The following ASTN1 variants were observed in gnomAD, a reference collection of about 807,000 sequenced individuals.
The protein encoded by ASTN1 is astrotactin 1, also known as astrotactin-1.
ASTN1 carries 41 observed loss-of-function variants against 140.7 expected under a neutral mutation model. The ratio of observed to expected loss-of-function variants is 0.29; its 90% CI spans 0.23 to 0.38. ASTN1 has a LOEUF of 0.38. ASTN1 is among the 10% of genes least tolerant of loss of function. ASTN1 has a pLI of 1.00. For synonymous variants in ASTN1, 640 were observed against 652.2 expected, an observed-to-expected ratio of 0.98 and a Z score of 0.29; for missense variants, 1,479 against 1,678.8, an observed-to-expected ratio of 0.88 and a Z score of 2.08.
In ASTN1 at chr1:176,869,021, G is replaced by A. The variant is rs1668235442; in HGVS notation, c.3470C>T (p.Ala1157Val). ...VVDDVKAQEI[A>V]DKIYNLFNGY... ...ATTGAAGAGATTGTAGATCTTGTCT[G>A]CTATTTCTGAGGAAGGAGGAAAAGG... Residue 1157 changes from alanine to valine, a missense_variant, in exon 22 of 23, where the codon GCA (alanine) becomes GTA (valine). Physicochemically the swap from Ala to Val is moderately conservative, Grantham distance 64 (BLOSUM62 0). Around this residue, in one of 3 missense-constraint regions of ASTN1, gnomAD observed 746 missense variants for 800.9 expected, o/e 0.93. Transcript: ENST00000361833. The A allele has an allele frequency of 6.3e-7, 1 of 1,577,672 alleles. No homozygotes were observed. The highest frequency in any genetic ancestry group is 8.6e-7 in the Non-Finnish European group (1 of 1,161,762).
rs966535045 is a variant in ASTN1 at position 177,146,730 on chromosome 1, C to T, written c.283+17664G>A. On this transcript the variant is annotated intron_variant, in intron 1 of 22. Coordinates refer to ENST00000361833, the MANE Select transcript of ASTN1 (RefSeq NM_004319.3). ...CTTGAATTTTATCACTGGCAACACA[C>T]ACTGTCAGTTGTTTTCCGAGATCAC... Among the ~76,000 whole-genome samples the T allele has an allele frequency of 2.0e-5, 3 of 152,142 alleles. No individual in the cohort carries two copies. In the East Asian group the frequency reaches 5.8e-4, roughly 29 times the overall value.
At chr1:176,868,104 C>G (rs1206264247) in intron 22 of ASTN1, among the ~76,000 whole-genome samples, 1 of 152,142 alleles carries the variant, frequency 6.6e-6, no homozygotes, top group Non-Finnish European at 1.5e-5. Context: ...TACCAACATT[C>G]CATATGAAAA....
At position 176,864,360 on chromosome 1, in the gene ASTN1, C is replaced by T. The variant is rs368198179; in HGVS notation, c.3809G>A (p.Arg1270Gln). The part of the protein sequence containing the change: ...PYGLDWAELS[R>Q]DLRKTCEEQT... ...CTCCTCACACGTCTTCCTGAGGTCC[C>T]GGCTGAGCTCCGCCCAGTCAAGTCC... Residue 1270 changes from arginine (R) to glutamine (Q), a missense_variant, in exon 23 of 23, where the codon CGG (arginine) becomes CAG (glutamine). By Grantham distance (43) the Arg-to-Gln change is conservative. Coordinates refer to ENST00000361833, the MANE Select transcript of ASTN1 (RefSeq NM_004319.3). The T allele has an allele frequency of 4.8e-5, 77 of 1,614,106 alleles. No homozygotes were observed. The African/African-American group carries it at 7.2e-4, about 15-fold the overall frequency.
rs148057991 is a variant in ASTN1 at position 177,100,044 on chromosome 1, T to C, written c.284-38779A>G. Reference sequence around the variant, plus strand: ...AAGAGTTAAGTGATTGTCCCAAGGATACAAAGCTAGTAAATGGCAGATAGG... The same window carrying C: ...AAGAGTTAAGTGATTGTCCCAAGGACACAAAGCTAGTAAATGGCAGATAGG... On this transcript the variant is annotated intron_variant, in intron 1 of 22. Coordinates refer to ENST00000361833, the MANE Select transcript of ASTN1 (RefSeq NM_004319.3). 2.4e-3 allele frequency among the ~76,000 whole-genome samples: 362 copies of C among 152,284 alleles called. 1 individual carries two copies. The highest frequency in any genetic ancestry group is 6.9e-3 in the African/African-American group (288 of 41,568).
intron 2 of ASTN1, among the ~76,000 whole-genome samples, chr1:177,057,979 C>T (rs1677896298): frequency 2.0e-5 from 3 of 152,202 alleles, no homozygotes; most frequent in Admixed American, 2.0e-4. Context: ...CTAGGAACAA[C>T]ATCTTCAAAC....
chr1:177,056,725 C>A (rs1677826896), intron 2 of ASTN1, among the ~76,000 whole-genome samples: 1 of 152,034 alleles, frequency 6.6e-6, no homozygotes, highest in Non-Finnish European at 1.5e-5. Context: ...CATTTAAATT[C>A]TACTGTGCAC....
intron 8 of ASTN1, among the ~76,000 whole-genome samples, chr1:176,997,972 A>G (rs1674534827): frequency 6.6e-6 from 1 of 152,172 alleles, no homozygotes; most frequent in Admixed American, 6.5e-5. Flanking sequence ...GTAAAAGGCA[A>G]GTGTGATCAA....
chr1:177,053,819 G>A (rs1176914357), intron 2 of ASTN1, among the ~76,000 whole-genome samples: 1 of 152,160 alleles, frequency 6.6e-6, no homozygotes, highest in East Asian at 1.9e-4. Flanking sequence ...CAGCTGTGAG[G>A]TGGTGTGACT....
At chr1:177,149,605 A>ATATAGTAAATATATATACACTGTATATC (rs1682930889) in intron 1 of ASTN1, among the ~76,000 whole-genome samples, 1 of 91,362 alleles carries the variant, frequency 1.1e-5, no homozygotes, top group Non-Finnish European at 1.8e-5. Flanking sequence ...CACTGTATAT[A>ATATAGTAAATATATATACACTGTATATC]TATAGTAAAT....
chr1:176,951,569 T>C lies in ASTN1; in HGVS notation c.1888-2218A>G, dbSNP rs560538719. Among the ~76,000 whole-genome samples the C allele has an allele frequency of 3.3e-5, 5 of 152,348 alleles. No homozygotes were observed. The East Asian group carries it at 5.8e-4, about 18-fold the overall frequency. On this transcript the variant is annotated intron_variant, in intron 11 of 22. Transcript: ENST00000361833. The stretch of plus-strand genomic sequence containing the variant: ...AGCTACCTCAGTCACTAGCCAGTAG[T>C]TTCCATCTTTCCAACCACCCGCTTT...
At chr1:176,958,969 T>G (rs1235744256) in intron 9 of ASTN1, among the ~76,000 whole-genome samples, 1 of 152,046 alleles carries the variant, frequency 6.6e-6, no homozygotes, top group African/African-American at 2.4e-5. Context: ...GGAACAGAAA[T>G]GACTGAAGCC....
chr1:177,060,208 G>GA (rs763259966), intron 2 of ASTN1, among the ~76,000 whole-genome samples: 1 of 152,168 alleles, frequency 6.6e-6, no homozygotes, highest in Admixed American at 6.5e-5. Flanking sequence ...TACAATGTTA[G>GA]AAAAAACCTT....
intron 5 of ASTN1, among the ~76,000 whole-genome samples, chr1:177,026,631 G>A (rs574791911): frequency 6.6e-6 from 1 of 152,158 alleles, no homozygotes; most frequent in African/African-American, 2.4e-5. Flanking sequence ...CCACCGCAGT[G>A]TACAAGGGTT....
At chr1:176,886,085 C>T (rs1461639763) in intron 18 of ASTN1, among the ~76,000 whole-genome samples, 1 of 151,980 alleles carries the variant, frequency 6.6e-6, no homozygotes, top group Non-Finnish European at 1.5e-5. Context: ...TCTGAGAACA[C>T]AAATTCTGTG....
intron 19 of ASTN1, among the ~76,000 whole-genome samples, chr1:176,883,493 C>T (rs955851808): frequency 6.6e-6 from 1 of 152,160 alleles, no homozygotes; most frequent in Non-Finnish European, 1.5e-5. Flanking sequence ...AACGCCTGGC[C>T]TGGGCGCTCC....
At position 177,092,566 on chromosome 1, in the gene ASTN1, C is replaced by T. The variant is rs564220462; in HGVS notation, c.284-31301G>A. Among the ~76,000 whole-genome samples, 4 of 152,176 alleles carry T rather than the reference C, an allele frequency of 2.6e-5. No individual in the cohort carries two copies. In the South Asian group the frequency reaches 8.3e-4, roughly 32 times the overall value. On this transcript the variant is annotated intron_variant, in intron 1 of 22. Coordinates refer to ENST00000361833, the MANE Select transcript of ASTN1 (RefSeq NM_004319.3). ...TTGCTTTTGGTGTCATATTTAAGAT[C>T]CATTGCTTAATCCAAGATCACAGAA...
chr1:176,898,359 G>T (rs1669617417), intron 16 of ASTN1, among the ~76,000 whole-genome samples: 2 of 152,214 alleles, frequency 1.3e-5, no homozygotes, highest in Admixed American at 1.3e-4. Flanking sequence ...TGTCTGGAGA[G>T]GAGCTGGATT....
intron 8 of ASTN1, among the ~76,000 whole-genome samples, chr1:176,983,921 C>A (rs962822647): frequency 6.6e-6 from 1 of 152,186 alleles, no homozygotes; most frequent in Non-Finnish European, 1.5e-5. Flanking sequence ...CCACCAGCCT[C>A]AATCCACTCA....
intron 8 of ASTN1, among the ~76,000 whole-genome samples, chr1:176,984,890 C>T (rs1182988065): frequency 6.6e-6 from 1 of 152,208 alleles, no homozygotes; most frequent in Non-Finnish European, 1.5e-5. Flanking sequence ...TGAATGTTCT[C>T]CAGTTGTCAC....
Sources: gnomAD v4.1 joint callset for allele counts (sites outside exome capture counted in the v4.1 genomes callset) on GRCh38, gnomAD v4.1.1 for gene constraint, gnomAD v4.1.1 regional missense constraint, MANE v1.5 for transcripts, NCBI Gene and HGNC (gene_info 2026-07-23, HGNC 2026-07-21) for gene names.